The following HEATR5A variants were observed in gnomAD, a reference collection of about 807,000 sequenced individuals.
HEATR5A encodes HEAT repeat containing 5A, also known as HEAT repeat-containing protein 5A.
A neutral mutation model predicts 218.8 loss-of-function variants in HEATR5A; 178 were observed. The ratio of observed to expected loss-of-function variants is 0.81; its 90% confidence interval spans 0.72 to 0.92. The LOEUF (loss-of-function observed/expected upper bound fraction) is 0.92. Ranked by LOEUF, HEATR5A falls within the 40% of genes least tolerant of loss-of-function variation. The pLI is 0.00. For synonymous variants in HEATR5A, 864 were observed against 871.6 expected, an observed-to-expected ratio of 0.99 and a Z score of 0.15; for missense variants, 2,420 against 2,418.9, an observed-to-expected ratio of 1.00 and a Z score of -0.01.
chr14:31,319,276 C>T lies in HEATR5A; in HGVS notation c.3970-984G>A, dbSNP rs989408760. Among the ~76,000 whole-genome samples the T allele has an allele frequency of 6.6e-5, 10 of 152,120 alleles. No individual in the cohort carries two copies. In the East Asian group the frequency reaches 1.2e-3, roughly 18 times the overall value. Reference sequence around the variant, plus strand: ...CAAGTGATTCTCCTGCCTCAGCCTCCGGAGTAGCTGGGATTACAGGCGTCT... The same window carrying T: ...CAAGTGATTCTCCTGCCTCAGCCTCTGGAGTAGCTGGGATTACAGGCGTCT... On this transcript the variant is annotated intron_variant, in intron 25 of 35. Transcript: ENST00000543095.
At chr14:31,405,970 G>T (rs2031046319) in intron 1 of HEATR5A, among the ~76,000 whole-genome samples, 4 of 152,090 alleles carry the variant, frequency 2.6e-5, no homozygotes, top group Admixed American at 2.6e-4. Context: ...TACTCCTAAA[G>T]GAAGTAGACA....
chr14:31,314,690 T>G (rs1313158777), intron 27 of HEATR5A, among the ~76,000 whole-genome samples: 1 of 152,170 alleles, frequency 6.6e-6, no homozygotes, highest in Non-Finnish European at 1.5e-5. Flanking sequence ...CATGAGCCAC[T>G]GCACCTGGCC....
intron 11 of HEATR5A, among the ~76,000 whole-genome samples, chr14:31,379,530 G>A (rs1206268511): frequency 2.0e-5 from 3 of 152,128 alleles, no homozygotes; most frequent in Non-Finnish European, 2.9e-5. Context: ...GATTACAAGC[G>A]TGAGCCACCA....
chr14:31,395,896 G>A (rs2139297086), intron 4 of HEATR5A, among the ~76,000 whole-genome samples: 1 of 152,290 alleles, frequency 6.6e-6, no homozygotes, highest in East Asian at 1.9e-4. Flanking sequence ...CAGTTTAAAA[G>A]TCTTGGCTTT....
At chr14:31,321,956 A>C (rs1900122188) in intron 24 of HEATR5A, among the ~76,000 whole-genome samples, 1 of 152,144 alleles carries the variant, frequency 6.6e-6, no homozygotes, top group South Asian at 2.1e-4. Flanking sequence ...TCTTCAATAA[A>C]ATTTTGTTCA....
intron 27 of HEATR5A, 61 bp downstream of exon 27, chr14:31,315,709 A>G: frequency 8.0e-7 from 1 of 1,252,770 alleles, no homozygotes; most frequent in Non-Finnish European, 1.1e-6. Context: ...ATTTCAGTTT[A>G]TGGCCTAAGG....
In HEATR5A at chr14:31,307,869, C is replaced by CA. The variant is rs761524555; in HGVS notation, c.4818+23dup. On this transcript the variant is annotated intron_variant, in intron 30 of 35. Coordinates refer to ENST00000543095, the MANE Select transcript of HEATR5A (RefSeq NM_015473.4). Reference sequence around the variant, plus strand: ...TTCCTTAAAGACTACAGAAGCCTTACAAAAAAAACCCCAGATAAATCACCT... The same window carrying CA: ...TTCCTTAAAGACTACAGAAGCCTTACAAAAAAAAACCCCAGATAAATCACCT... 122 of 1,599,470 alleles carry CA rather than the reference C, an allele frequency of 7.6e-5. 2 individuals are homozygous for CA. The highest frequency in any genetic ancestry group is 2.7e-4 in the South Asian group (24 of 87,768).
At chr14:31,332,119 C>T (rs1353923329) in intron 22 of HEATR5A, among the ~76,000 whole-genome samples, 3 of 152,200 alleles carry the variant, frequency 2.0e-5, no homozygotes, top group African/African-American at 7.2e-5. Flanking sequence ...GTCATAAAGA[C>T]ATTAAGTAGA....
intron 22 of HEATR5A, among the ~76,000 whole-genome samples, chr14:31,329,161 T>C (rs930381334): frequency 2.0e-5 from 3 of 152,166 alleles, no homozygotes; most frequent in African/African-American, 4.8e-5. Flanking sequence ...GGGATTCTAA[T>C]TGAAAATGAG....
At position 31,293,566 on chromosome 14, in the gene HEATR5A, A is replaced by C. The variant is rs943499212; in HGVS notation, c.5880T>G (p.Leu1960=). 1 of 1,613,478 alleles carries C rather than the reference A, an allele frequency of 6.2e-7. No individual in the cohort carries two copies. Among genetic ancestry groups the C allele is most frequent in the East Asian group, 2.2e-5 (1 of 44,898 alleles). The change falls in exon 36 of 36, where the codon CTT becomes CTG. Residue 1960 remains leucine, a synonymous_variant. Coordinates refer to ENST00000543095, the MANE Select transcript of HEATR5A (RefSeq NM_015473.4). ...CTGATCCCAGAGAATTTTCATCCAA[A>C]AGGAAGGAAATGAGGATGGGCAAAA... ...ACLLPILISF[L]LDENSLGSAT...
At position 31,394,097 on chromosome 14, in the gene HEATR5A, C is replaced by G; in HGVS notation, c.727G>C (p.Gly243Arg). The change falls in exon 6 of 36, where the codon GGC becomes CGC. Residue 243 changes from glycine to arginine, a missense_variant. Transcript: ENST00000543095. ...DVRISVSKLL[G>R]IILAKAVISK... ...ATTACAGCTTTAGCTAATATTATGC[C>G]TAGTAACTTTGAAACAGAAATCCGC... The G allele has an allele frequency of 6.5e-7, 1 of 1,534,642 alleles. No homozygotes were observed. The highest frequency in any genetic ancestry group is 8.7e-7 in the Non-Finnish European group (1 of 1,145,788).
intron 11 of HEATR5A, among the ~76,000 whole-genome samples, chr14:31,378,067 A>G (rs150516128): frequency 0.029 from 4,396 of 152,306 alleles, 101 homozygotes; most frequent in Admixed American, 0.057. Context: ...AGGAACTTCA[A>G]TACGGCAGGC....
Position 31,380,576 on chromosome 14 carries a change from A to T in HEATR5A, c.1599T>A (p.Ile533=). ...PLGIPHGKGK[I]IMTLAEDLLC... ...GCAAATCCTCTGCTAATGTCATAATAATCTATTTACATATAGAACAAGTTT... is the reference window on the plus strand; with the variant it reads ...GCAAATCCTCTGCTAATGTCATAATTATCTATTTACATATAGAACAAGTTT... The change falls in exon 11 of 36, where the codon ATT becomes ATA. Residue 533 remains isoleucine (I), a splice_region_variant and synonymous_variant. Transcript: ENST00000543095. The T allele has an allele frequency of 6.3e-7, 1 of 1,578,414 alleles. No homozygotes were observed. Among genetic ancestry groups the T allele is most frequent in the Non-Finnish European group, 8.6e-7 (1 of 1,159,384 alleles).
intron 7 of HEATR5A, among the ~76,000 whole-genome samples, chr14:31,387,750 C>T (rs371648173): frequency 3.0e-4 from 46 of 152,164 alleles, no homozygotes; most frequent in East Asian, 2.9e-3. Context: ...TTAGTAGAGA[C>T]GGGGTTTCAC....
intron 13 of HEATR5A, among the ~76,000 whole-genome samples, chr14:31,366,266 A>AGTG (rs1901799982): frequency 6.6e-6 from 1 of 152,174 alleles, no homozygotes; most frequent in Admixed American, 6.5e-5. Context: ...AGACTGAAAT[A>AGTG]GTGTCTCAAA....
At chr14:31,334,634 C>G (rs1293539289) in intron 22 of HEATR5A, among the ~76,000 whole-genome samples, 1 of 152,138 alleles carries the variant, frequency 6.6e-6, no homozygotes, top group East Asian at 1.9e-4. Flanking sequence ...ATATGGCAAA[C>G]TTCATTGCTG....
chr14:31,330,131 T>C (rs1900413589), intron 22 of HEATR5A, among the ~76,000 whole-genome samples: 1 of 152,240 alleles, frequency 6.6e-6, no homozygotes. Context: ...CATGAGGGCT[T>C]CACCCCTGCA....
chr14:31,392,808 T>C (rs1397074843), intron 6 of HEATR5A, among the ~76,000 whole-genome samples: 1 of 152,184 alleles, frequency 6.6e-6, no homozygotes, highest in East Asian at 1.9e-4. Context: ...AGCCCAAAAT[T>C]CATAAAGTCA....
chr14:31,379,482 T>C (rs1397639483), intron 11 of HEATR5A, among the ~76,000 whole-genome samples: 2 of 152,070 alleles, frequency 1.3e-5, no homozygotes, highest in Admixed American at 1.3e-4. Flanking sequence ...ACTCCTGACC[T>C]CAAGTGATCC....
Sources: allele counts gnomAD v4.1 joint callset (sites outside exome capture counted in the v4.1 genomes callset), GRCh38; gene constraint gnomAD v4.1.1; transcripts MANE v1.5; gene names NCBI Gene and HGNC (gene_info 2026-07-23, HGNC 2026-07-21).